KMT2D: variants seen among roughly 807,000 people sequenced by gnomAD.
KMT2D encodes the protein histone-lysine N-methyltransferase 2D.
In KMT2D, 55 loss-of-function variants were observed where a neutral mutation model predicts 512.7. That is an observed-to-expected ratio of 0.11 (90% CI 0.09 to 0.13). The LOEUF (loss-of-function observed/expected upper bound fraction) is 0.13. KMT2D is among the 10% of genes least tolerant of loss of function. The pLI is 1.00. For synonymous variants in KMT2D, 2,995 were observed against 2,904.0 expected (o/e 1.03, Z -1.01); for missense variants, 6,061 against 7,127.9 (o/e 0.85, Z 5.39).
rs780733322 is a variant in KMT2D at position 49,048,625 on chromosome 12, A to C, written c.4131+34T>G. 11 of 1,378,084 alleles carry C rather than the reference A, an allele frequency of 8.0e-6. No homozygotes were observed. In the Admixed American group the frequency reaches 1.7e-4, roughly 21 times the overall value. The allele number at this position is 1,378,084 out of a possible 1,614,324, so 85.4% of individuals were successfully genotyped here. A position where few individuals can be genotyped will look rare whatever the true frequency, so the allele number is the denominator to read the frequency against. On this transcript the variant is annotated intron_variant, in intron 14 of 54. Coordinates refer to ENST00000301067, the MANE Select transcript of KMT2D (RefSeq NM_003482.4). ...CCTCTCACCAAACACACACATACACAATGTTCAGTGTGCCAGGTCTCACTG... is the reference window on the plus strand; with the variant it reads ...CCTCTCACCAAACACACACATACACCATGTTCAGTGTGCCAGGTCTCACTG...
rs2120520618 is a variant in KMT2D, at chr12:49,039,986, C to T, written c.7784G>A (p.Gly2595Glu). ...GNFHPSGSPL[G>E]PSSGSTGESY... ...CTCCCCTGTGGACCCGCTGCTGGGC[C>T]CCAGGGGGCTGCCCGATGGGTGGAA... is the stretch of plus-strand genomic sequence containing the variant. The change falls in exon 32 of 55, where the codon GGG becomes GAG. Residue 2595 changes from glycine to glutamate, a missense_variant. Physicochemically the swap from Gly to Glu is moderately conservative, Grantham distance 98. Coordinates refer to ENST00000301067, the MANE Select transcript of KMT2D (RefSeq NM_003482.4). The surrounding 1 kb of genome is among the most constrained non-coding windows in gnomAD (Gnocchi z 5.0). 6.2e-7 allele frequency: 1 copy of T among 1,613,784 alleles called. No homozygotes were observed. Among genetic ancestry groups the T allele is most frequent in the Non-Finnish European group, 8.5e-7 (1 of 1,179,778 alleles).
In KMT2D at chr12:49,031,788, T is replaced by G. The variant is rs748223501; in HGVS notation, c.12917A>C (p.His4306Pro). The change falls in exon 40 of 55, where the codon CAT (histidine) becomes CCT (proline). Residue 4306 changes from histidine (H) to proline (P), a missense_variant. Physicochemically the swap from His to Pro is moderately conservative, Grantham distance 77. Around this residue, in one of 16 missense-constraint regions of KMT2D, gnomAD observed 1,600 missense variants for 1,754.9 expected, o/e 0.91. Transcript: ENST00000301067. ...LSTGPVLGPV[H>P]PTPPPSSPQE... ...AGGGCTGGATGGTGGAGGTGTGGGATGGACAGGGCCAAGGACTGGTCCTGT... is the reference window on the plus strand; with the variant it reads ...AGGGCTGGATGGTGGAGGTGTGGGAGGGACAGGGCCAAGGACTGGTCCTGT... 6.2e-7 allele frequency: 1 copy of G among 1,607,664 alleles called. No homozygotes were observed. The highest frequency in any genetic ancestry group is 2.2e-5 in the East Asian group (1 of 44,796).
At position 49,038,255 on chromosome 12, in the gene KMT2D, T is replaced by C. The variant is rs748817042; in HGVS notation, c.9101A>G (p.Asn3034Ser). 16 of 1,613,872 alleles carry C rather than the reference T, an allele frequency of 9.9e-6. No individual in the cohort carries two copies. Among genetic ancestry groups the C allele is most frequent in the African/African-American group, 1.3e-5 (1 of 75,056 alleles). The part of the protein sequence containing the change: ...ELGTLENLET[N>S]DPHLDDLLNG... ...GAGCAGGTCATCCAAGTGGGGGTCA[T>C]TGGTCTCCAGGTTTTCTAAGGTGCC... The change falls in exon 35 of 55, where the codon AAT (asparagine) becomes AGT (serine). Residue 3034 changes from asparagine (N) to serine (S), a missense_variant. Transcript: ENST00000301067. This position sits in a 1 kb window ranked among gnomAD's most constrained non-coding sequence, Gnocchi z 5.7.
In KMT2D at chr12:49,020,933, C is replaced by T. The variant is rs1004932580; in HGVS notation, c.*847G>A. Reference sequence around the variant, plus strand: ...ATTTGCCTCAACCACCATCCCATGCCCATAATTAAAAACAAAGATGGATTT... The same window carrying T: ...ATTTGCCTCAACCACCATCCCATGCTCATAATTAAAAACAAAGATGGATTT... On this transcript the variant is annotated 3_prime_UTR_variant, in exon 55 of 55. Transcript: ENST00000301067. The T allele has an allele frequency of 5.1e-6, 1 of 196,026 alleles. No individual in the cohort carries two copies. Among genetic ancestry groups the T allele is most frequent in the South Asian group, 1.9e-4 (1 of 5,200 alleles). 12.1% of individuals were successfully genotyped at this position (196,026 alleles called of 1,614,324 possible). A position where few individuals can be genotyped will look rare whatever the true frequency, so the allele number is the denominator to read the frequency against.
rs1399426672 is a variant in KMT2D at position 49,042,904 on chromosome 12, G to A, written c.5645-26C>T. ...CTGTGGGGGAATGAAGGACACTGTT[G>A]AGGAAGACTGGGAAGTTCAGGTGAC... is the stretch of plus-strand genomic sequence containing the variant. On this transcript the variant is annotated intron_variant, in intron 26 of 54. Transcript: ENST00000301067. This position sits in a 1 kb window ranked among gnomAD's most constrained non-coding sequence, Gnocchi z 4.4. The A allele has an allele frequency of 2.5e-6, 4 of 1,613,226 alleles. No individual in the cohort carries two copies. In the South Asian group the frequency reaches 3.3e-5, roughly 13 times the overall value.
chr12:49,034,505 A>G, intron 37 of KMT2D, 29 bp from the exon 38 acceptor site: 1 of 1,613,044 alleles, frequency 6.2e-7, no homozygotes, highest in Non-Finnish European at 8.5e-7. Flanking sequence ...CTAAAGGGTC[A>G]TTGTTCCCTG....
Position 49,040,874 on chromosome 12 carries a change from T to C in KMT2D, c.6896A>G (p.Tyr2299Cys), listed in dbSNP as rs750357369. 6.2e-6 allele frequency: 10 copies of C among 1,613,752 alleles called. No individual in the cohort carries two copies. The highest frequency in any genetic ancestry group is 1.1e-5 in the South Asian group (1 of 91,072). The change falls in exon 32 of 55, where the codon TAT (tyrosine) becomes TGT (cysteine). Residue 2299 changes from tyrosine to cysteine, a missense_variant. By Grantham distance (194) the Tyr-to-Cys change is radical (BLOSUM62 -2). Transcript: ENST00000301067. ...AACAAAGCCCAGGTTTGGGGGCCCA[T>C]AGCTAGGAGAGGATGCCCCAAGCTC... The part of the protein sequence containing the change: ...KEELGASSPS[Y>C]GPPNLGFVDS...
Position 49,019,693 on chromosome 12 carries a change from G to A in KMT2D, c.*2087C>T, listed in dbSNP as rs1942209000. 4 of 231,910 alleles carry A rather than the reference G, an allele frequency of 1.7e-5. No homozygotes were observed. Among genetic ancestry groups the A allele is most frequent in the South Asian group, 1.8e-4 (1 of 5,520 alleles). 14.4% of individuals were successfully genotyped at this position (231,910 alleles called of 1,614,324 possible). ...AAGGGCTGTGGCTTTGAGGGCAGCAGCCCAGTCTTCCTACTGTCTGATTTA... is the reference window on the plus strand; with the variant it reads ...AAGGGCTGTGGCTTTGAGGGCAGCAACCCAGTCTTCCTACTGTCTGATTTA... On this transcript the variant is annotated 3_prime_UTR_variant, in exon 55 of 55. Transcript: ENST00000301067.
At position 49,038,460 on chromosome 12, in the gene KMT2D, G is replaced by T. The variant is rs970105771; in HGVS notation, c.8896C>A (p.Arg2966=). 2 of 1,608,574 alleles carry T rather than the reference G, an allele frequency of 1.2e-6. No homozygotes were observed. Among genetic ancestry groups the T allele is most frequent in the African/African-American group, 2.7e-5 (2 of 74,732 alleles). The part of the protein sequence containing the change: ...TLPTGLELVN[R]PPSSTELGRP... The stretch of plus-strand genomic sequence containing the variant: ...CCAAGCTCAGTGCTCGACGGGGGCC[G>T]GTTGACCAGCTCCAAACCAGTTGGC... The change falls in exon 35 of 55, where the codon CGG becomes AGG. Residue 2966 remains arginine, a synonymous_variant. Coordinates refer to ENST00000301067, the MANE Select transcript of KMT2D (RefSeq NM_003482.4). This position sits in a 1 kb window ranked among gnomAD's most constrained non-coding sequence, Gnocchi z 5.7.
intron 48 of KMT2D, among the ~76,000 whole-genome samples, 182 bp from the exon 49 acceptor site, chr12:49,027,504 C>T (rs1942662461): frequency 6.6e-6 from 1 of 152,008 alleles, no homozygotes; most frequent in Non-Finnish European, 1.5e-5. Flanking sequence ...AGGCTGGATC[C>T]AGTGGCACAA....
rs1378596199 is a variant in KMT2D, at chr12:49,060,234, C to G, written c.-659G>C. ...GGCTTCTCGACCCCGAGCGCTCACC[C>G]TCGGCGGCTTCGAGCCCCCCACCTT... On this transcript the variant is annotated 5_prime_UTR_variant, in exon 1 of 55. Coordinates refer to ENST00000301067, the MANE Select transcript of KMT2D (RefSeq NM_003482.4). 6.6e-6 allele frequency among the ~76,000 whole-genome samples: 1 copy of G among 152,046 alleles called. No individual in the cohort carries two copies. Among genetic ancestry groups the G allele is most frequent in the African/African-American group, 2.4e-5 (1 of 41,424 alleles).
Position 49,038,710 on chromosome 12 carries a change from G to A in KMT2D, c.8646C>T (p.His2882=), listed in dbSNP as rs765602192. 4 of 1,610,646 alleles carry A rather than the reference G, an allele frequency of 2.5e-6. No individual in the cohort carries two copies. The South Asian group carries it at 4.4e-5, about 18-fold the overall frequency. The change falls in exon 35 of 55, where the codon CAC becomes CAT. Residue 2882 remains histidine (H), a synonymous_variant. Transcript: ENST00000301067. The surrounding 1 kb of genome is among the most constrained non-coding windows in gnomAD (Gnocchi z 5.7). Reference sequence around the variant, plus strand: ...CAGGTCCCAGTCCTTTCTGTACATTGTGCCGCAGCTCAATGAACTGGGCAG... The same window carrying A: ...CAGGTCCCAGTCCTTTCTGTACATTATGCCGCAGCTCAATGAACTGGGCAG... The part of the protein sequence containing the change: ...AGPAQFIELR[H]NVQKGLGPGG...
Position 49,052,156 on chromosome 12 carries a change from T to C in KMT2D, c.1527A>G (p.Ser509=). 1 of 1,610,996 alleles carries C rather than the reference T, an allele frequency of 6.2e-7. No individual in the cohort carries two copies. The highest frequency in any genetic ancestry group is 8.5e-7 in the Non-Finnish European group (1 of 1,179,028). Reference sequence around the variant, plus strand: ...ACTCCTCCAGTGGAGAAAAAGGTGATGATTCAGGTGGGGGAGACAGAGGAG... The same window carrying C: ...ACTCCTCCAGTGGAGAAAAAGGTGACGATTCAGGTGGGGGAGACAGAGGAG... ...EESPLSPPPE[S]SPFSPLEESP... The change falls in exon 11 of 55, where the codon TCA becomes TCG. Residue 509 remains serine (S), a synonymous_variant. Coordinates refer to ENST00000301067, the MANE Select transcript of KMT2D (RefSeq NM_003482.4).
Position 49,057,656 on chromosome 12 carries a change from C to G in KMT2D, c.-38+1957G>C, listed in dbSNP as rs138923387. Among the ~76,000 whole-genome samples, 748 of 152,326 alleles carry G rather than the reference C, an allele frequency of 4.9e-3. 6 individuals carry two copies. The highest frequency in any genetic ancestry group is 0.017 in the African/African-American group (701 of 41,568). On this transcript the variant is annotated intron_variant, in intron 1 of 54. Coordinates refer to ENST00000301067, the MANE Select transcript of KMT2D (RefSeq NM_003482.4). ...GCCCTCAGTCCCTATTTCCCCATCCCTGCAGTCCAGCACAGGGATCCCAAT... is the reference window on the plus strand; with the variant it reads ...GCCCTCAGTCCCTATTTCCCCATCCGTGCAGTCCAGCACAGGGATCCCAAT...
Position 49,044,628 on chromosome 12 carries a change from A to G in KMT2D, c.4964-106T>C. ...TGAATACCTTGCCTCAGAGCCACTT[A>G]GACGAGACAGCAGTGCTTAAGGGTA... is the stretch of plus-strand genomic sequence containing the variant. On this transcript the variant is annotated intron_variant, in intron 20 of 54. Coordinates refer to ENST00000301067, the MANE Select transcript of KMT2D (RefSeq NM_003482.4). The surrounding 1 kb of genome is among the most constrained non-coding windows in gnomAD (Gnocchi z 6.4). 2 of 1,557,812 alleles carry G rather than the reference A, an allele frequency of 1.3e-6. No homozygotes were observed. The highest frequency in any genetic ancestry group is 2.3e-5 in the East Asian group (1 of 44,340).
intron 48 of KMT2D, among the ~76,000 whole-genome samples, 158 bp downstream of exon 48, chr12:49,027,645 G>A (rs983717436): frequency 1.3e-5 from 2 of 152,054 alleles, no homozygotes; most frequent in African/African-American, 4.8e-5. Context: ...AGTAGAGACG[G>A]GGTTTCGCCA....
rs2120419262 is a variant in KMT2D, at chr12:49,031,368, C to T, written c.13337G>A (p.Ser4446Asn). ...AGGGCCTGCCAGCAGGAGGTGGTTG[C>T]TGGTTCCTGGTGCCCCTATTGGCTC... The part of the protein sequence containing the change: ...NGEPIGAPGT[S>N]NHLLLAGPRS... Residue 4446 changes from serine (S) to asparagine (N), a missense_variant, in exon 40 of 55, where the codon AGC (serine) becomes AAC (asparagine). Around this residue, in one of 16 missense-constraint regions of KMT2D, gnomAD observed 1,600 missense variants for 1,754.9 expected, o/e 0.91. Coordinates refer to ENST00000301067, the MANE Select transcript of KMT2D (RefSeq NM_003482.4). 2 of 1,613,604 alleles carry T rather than the reference C, an allele frequency of 1.2e-6. No homozygotes were observed. Among genetic ancestry groups the T allele is most frequent in the East Asian group, 4.5e-5 (2 of 44,876 alleles).
rs2120706966 is a variant in KMT2D at position 49,054,298 on chromosome 12, C to G, written c.510+9G>C. The G allele has an allele frequency of 6.3e-7, 1 of 1,579,028 alleles. No homozygotes were observed. Among genetic ancestry groups the G allele is most frequent in the Non-Finnish European group, 8.6e-7 (1 of 1,162,188 alleles). On this transcript the variant is annotated intron_variant, in intron 5 of 54. Transcript: ENST00000301067. The surrounding 1 kb of genome is among the most constrained non-coding windows in gnomAD (Gnocchi z 6.4). ...CCTTCACCTATGCAATCCCCTGGCCCAGCCCCACCTGTGAGATCCCTGAGA... is the reference window on the plus strand; with the variant it reads ...CCTTCACCTATGCAATCCCCTGGCCGAGCCCCACCTGTGAGATCCCTGAGA...
In KMT2D at chr12:49,052,918, C is replaced by T. The variant is rs1938166635; in HGVS notation, c.1109G>A (p.Ser370Asn). 1 of 1,613,944 alleles carries T rather than the reference C, an allele frequency of 6.2e-7. No individual in the cohort carries two copies. Among genetic ancestry groups the T allele is most frequent in the Non-Finnish European group, 8.5e-7 (1 of 1,179,810 alleles). The change falls in exon 9 of 55, where the codon AGC becomes AAC. Residue 370 changes from serine to asparagine, a missense_variant. Ser to Asn is a conservative substitution (Grantham distance 46, BLOSUM62 1). Transcript: ENST00000301067. Reference sequence around the variant, plus strand: ...TCAGTCAGTCCCCACCACTTACCTGCTACACACCGGGGTATGCTGCTCAGC... The same window carrying T: ...TCAGTCAGTCCCCACCACTTACCTGTTACACACCGGGGTATGCTGCTCAGC... ...SVAEQHTPVC[S>N]RFSPPEPGDT... is the part of the protein sequence containing the mutation.
Sources: allele counts gnomAD v4.1 joint callset (sites outside exome capture counted in the v4.1 genomes callset), GRCh38; gene constraint gnomAD v4.1.1; regional missense constraint gnomAD v4.1.1; non-coding constraint Gnocchi (gnomAD v3.1); transcripts MANE v1.5; gene names NCBI Gene and HGNC (gene_info 2026-07-23, HGNC 2026-07-21).